Variants in INA observed in about 807,000 individuals in gnomAD.
INA encodes the protein alpha-internexin.
A neutral mutation model predicts 40.1 loss-of-function variants in INA; 35 were observed. That is an observed-to-expected ratio of 0.87 (90% confidence interval 0.67 to 1.16). The LOEUF (loss-of-function observed/expected upper bound fraction) is 1.16, where lower values mean the gene tolerates loss of function less well. Ranked by LOEUF, INA falls within the 50% of genes most tolerant of loss-of-function variation. The pLI, the probability that INA is intolerant of heterozygous loss-of-function variation, is 0.00. For synonymous variants in INA, 290 were observed against 316.9 expected (o/e 0.92, Z 0.90); for missense variants, 594 against 686.7 (o/e 0.87, Z 1.51).
Position 103,277,410 on chromosome 10 carries a change from C to G in INA, c.199C>G (p.Arg67Gly). 2.6e-6 allele frequency: 4 copies of G among 1,557,642 alleles called. No individual in the cohort carries two copies. Among genetic ancestry groups the G allele is most frequent in the Non-Finnish European group, 2.6e-6 (3 of 1,158,334 alleles). Residue 67 changes from arginine (R) to glycine (G), a missense_variant, in exon 1 of 3, where the codon CGC becomes GGC. Physicochemically the swap from Arg to Gly is moderately radical, Grantham distance 125 (BLOSUM62 -2). This residue lies in a region of INA where 215 missense variants were observed against 190.6 expected (regional missense o/e 1.13). Transcript: ENST00000369849. This position sits in a 1 kb window ranked among gnomAD's most constrained non-coding sequence, Gnocchi z 5.6. ...GTCGCTCGGCCTCGGCCTGGCCTAT[C>G]GCCGGCCGCCGGCGTCCGACGGGCT... Reference protein sequence around the residue: ...ASSLGLGLAYRRPPASDGLDL... With the variant: ...ASSLGLGLAYGRPPASDGLDL...
rs2093062789 is a variant in INA at position 103,277,667 on chromosome 10, G to A, written c.456G>A (p.Ala152=). ...LFQRELRDLR[A]QLEEASSARS... is the part of the protein sequence containing the mutation. ...AGCGCGAGCTGCGCGACCTGCGCGCGCAGCTGGAGGAGGCCAGCTCGGCTC... is the reference window on the plus strand; with the variant it reads ...AGCGCGAGCTGCGCGACCTGCGCGCACAGCTGGAGGAGGCCAGCTCGGCTC... The change falls in exon 1 of 3, where the codon GCG becomes GCA. Residue 152 remains alanine (A), a synonymous_variant. Transcript: ENST00000369849. The surrounding 1 kb of genome is among the most constrained non-coding windows in gnomAD (Gnocchi z 5.6). The A allele has an allele frequency of 2.9e-6, 4 of 1,380,364 alleles. No homozygotes were observed. Among genetic ancestry groups the A allele is most frequent in the Non-Finnish European group, 1.9e-6 (2 of 1,075,424 alleles). 85.5% of individuals were successfully genotyped at this position (1,380,364 alleles called of 1,614,324 possible).
chr10:103,288,910 A>G lies in INA; in HGVS notation c.*241A>G. 6.1e-6 allele frequency: 2 copies of G among 327,510 alleles called. No individual in the cohort carries two copies. The highest frequency in any genetic ancestry group is 1.1e-5 in the Non-Finnish European group (2 of 179,944). 20.3% of individuals were successfully genotyped at this position (327,510 alleles called of 1,614,324 possible). A position where few individuals can be genotyped will look rare whatever the true frequency, so the allele number is the denominator to read the frequency against. On this transcript the variant is annotated 3_prime_UTR_variant, in exon 3 of 3. Coordinates refer to ENST00000369849, the MANE Select transcript of INA (RefSeq NM_032727.4). ...CTAAGAATACAGCTTTCTGACCTTC[A>G]GCTCACGCTTCACAGTGATCGATGA...
In INA at chr10:103,277,529, C is replaced by T. The variant is rs1261389202; in HGVS notation, c.318C>T (p.Ala106=). ...EQLQGLNDRF[A]VFIEKVHQLE... ...TGCAGGGCCTCAACGACCGCTTCGC[C>T]GTGTTCATCGAGAAGGTGCATCAGC... Residue 106 remains alanine, a synonymous_variant, in exon 1 of 3, where the codon GCC becomes GCT. Transcript: ENST00000369849. This position sits in a 1 kb window ranked among gnomAD's most constrained non-coding sequence, Gnocchi z 5.6. 4.4e-6 allele frequency: 7 copies of T among 1,586,434 alleles called. No individual in the cohort carries two copies. The highest frequency in any genetic ancestry group is 3.4e-6 in the Non-Finnish European group (4 of 1,170,264).
chr10:103,288,002 G>T (rs139058402), intron 2 of INA, among the ~76,000 whole-genome samples: 1 of 152,252 alleles, frequency 6.6e-6, no homozygotes, highest in African/African-American at 2.4e-5. Flanking sequence ...TGCAGCTAAG[G>T]TGTTACTTAG....
intron 1 of INA, among the ~76,000 whole-genome samples, chr10:103,286,774 T>C (rs563091272): frequency 6.6e-6 from 1 of 152,176 alleles, no homozygotes; most frequent in African/African-American, 2.4e-5. Context: ...GGTGTTCACT[T>C]GCCCTCTGGG....
Position 103,282,548 on chromosome 10 carries a change from G to A in INA, c.1065+4272G>A, listed in dbSNP as rs536282067. The stretch of plus-strand genomic sequence containing the variant: ...GAGCATCAACACTAATCCAAACACC[G>A]CACTTTGGGGCCATTTAGGGTAGAA... On this transcript the variant is annotated intron_variant, in intron 1 of 2. Transcript: ENST00000369849. 7.9e-5 allele frequency among the ~76,000 whole-genome samples: 12 copies of A among 152,164 alleles called. No homozygotes were observed. In the South Asian group the frequency reaches 2.5e-3, roughly 32 times the overall value.
In INA at chr10:103,277,344, C is replaced by T. The variant is rs756450190; in HGVS notation, c.133C>T (p.Arg45Cys). Residue 45 changes from arginine (R) to cysteine (C), a missense_variant, in exon 1 of 3, where the codon CGC becomes TGC. Physicochemically the swap from Arg to Cys is radical, Grantham distance 180. This residue lies in a region of INA where 215 missense variants were observed against 190.6 expected (regional missense o/e 1.13). Transcript: ENST00000369849. This position sits in a 1 kb window ranked among gnomAD's most constrained non-coding sequence, Gnocchi z 5.6. ...AGGFRSQSLS[R>C]SNVASSAACS... ...CGGCTTCCGCTCGCAGTCGCTGTCC[C>T]GCAGCAATGTGGCCTCCTCGGCCGC... 2 of 1,581,324 alleles carry T rather than the reference C, an allele frequency of 1.3e-6. No homozygotes were observed. The highest frequency in any genetic ancestry group is 3.5e-5 in the Admixed American group (2 of 57,684).
rs1416448678 is a variant in INA at position 103,278,081 on chromosome 10, G to A, written c.870G>A (p.Lys290=). The A allele has an allele frequency of 3.7e-6, 6 of 1,613,700 alleles. No individual in the cohort carries two copies. The highest frequency in any genetic ancestry group is 5.1e-6 in the Non-Finnish European group (6 of 1,179,938). ...CCGCGGAAGAATGGTACAAGTCCAA[G>A]TTTGCCAACCTGAACGAGCAGGCGG... ...LQSAEEWYKS[K]FANLNEQAAR... Residue 290 remains lysine, a synonymous_variant, in exon 1 of 3, where the codon AAG becomes AAA. Transcript: ENST00000369849. The surrounding 1 kb of genome is among the most constrained non-coding windows in gnomAD (Gnocchi z 4.9).
At chr10:103,283,842 C>T (rs558854160) in intron 1 of INA, among the ~76,000 whole-genome samples, 2 of 151,530 alleles carry the variant, frequency 1.3e-5, no homozygotes, top group East Asian at 3.9e-4. Context: ...CCTCTGCCTC[C>T]CAGGTTCAAG....
At chr10:103,283,748 C>CTT (rs34755376) in intron 1 of INA, among the ~76,000 whole-genome samples, 1,807 of 114,876 alleles carry the variant, frequency 0.016, 63 homozygotes, top group African/African-American at 0.039. Context: ...ATCACTGTTT[C>CTT]TTTTTTTTTT....
intron 1 of INA, among the ~76,000 whole-genome samples, chr10:103,286,401 A>G (rs549241709): frequency 1.4e-3 from 216 of 151,700 alleles, no homozygotes; most frequent in Non-Finnish European, 2.5e-3. Context: ...ATATATAAAT[A>G]TAAAGCGATT....
chr10:103,285,673 A>G (rs143712093), intron 1 of INA, among the ~76,000 whole-genome samples: 2,765 of 137,194 alleles, frequency 0.02, 58 homozygotes, highest in South Asian at 0.08. Context: ...GCTGGAATGC[A>G]GTGGCGCGAT....
chr10:103,284,001 T>A (rs1450760046), intron 1 of INA, among the ~76,000 whole-genome samples: 1 of 151,138 alleles, frequency 6.6e-6, no homozygotes, highest in Non-Finnish European at 1.5e-5. Flanking sequence ...ACTCCTGACC[T>A]CAGGTGATCC....
chr10:103,280,608 C>T (rs1372994826), intron 1 of INA: 1 of 985,306 alleles, frequency 1.0e-6, no homozygotes, highest in Non-Finnish European at 1.2e-6. Context: ...CCATTAAAGT[C>T]CCATCTTCTC....
chr10:103,277,158 CCTTT>C lies in INA; in HGVS notation c.-50_-47del, dbSNP rs2093060396. 1.3e-6 allele frequency: 2 copies of C among 1,514,170 alleles called. No individual in the cohort carries two copies. Among genetic ancestry groups the C allele is most frequent in the African/African-American group, 1.5e-5 (1 of 68,836 alleles). 93.8% of individuals were successfully genotyped at this position (1,514,170 alleles called of 1,614,324 possible). A position where few individuals can be genotyped will look rare whatever the true frequency, so the allele number is the denominator to read the frequency against. On this transcript the variant is annotated 5_prime_UTR_variant, in exon 1 of 3. Coordinates refer to ENST00000369849, the MANE Select transcript of INA (RefSeq NM_032727.4). This position sits in a 1 kb window ranked among gnomAD's most constrained non-coding sequence, Gnocchi z 5.6. The stretch of plus-strand genomic sequence containing the variant: ...GCCGCGCCCTGCCTGCCGCACCTCT[CCTTT>C]CTTCTGTAGCTCGCGTTGAAGCCGC...
chr10:103,285,815 G>A (rs927992986), intron 1 of INA, among the ~76,000 whole-genome samples: 1 of 151,226 alleles, frequency 6.6e-6, no homozygotes, highest in African/African-American at 2.4e-5. Flanking sequence ...ACGGAGTTTT[G>A]CCATGTTAGC....
intron 1 of INA, chr10:103,280,381 G>A (rs2093070077): frequency 1.0e-6 from 1 of 985,294 alleles, no homozygotes; most frequent in African/African-American, 1.7e-5. Context: ...TGCCACAAGG[G>A]TGTCTCTGAC....
chr10:103,284,298 A>G (rs2093080001), intron 1 of INA, among the ~76,000 whole-genome samples: 1 of 152,144 alleles, frequency 6.6e-6, no homozygotes, highest in African/African-American at 2.4e-5. Context: ...TGTTATCGCA[A>G]CTGGGAGAGG....
chr10:103,286,558 GAAAGCTCTC>G (rs2093086556), intron 1 of INA, among the ~76,000 whole-genome samples: 1 of 151,998 alleles, frequency 6.6e-6, no homozygotes, highest in African/African-American at 2.4e-5. Flanking sequence ...GGTCTTCCTG[GAAAGCTCTC>G]TGTGCTTTCC....
Sources: gnomAD v4.1 joint callset for allele counts (sites outside exome capture counted in the v4.1 genomes callset) on GRCh38, gnomAD v4.1.1 for gene constraint, gnomAD v4.1.1 regional missense constraint, Gnocchi (gnomAD v3.1) non-coding constraint, MANE v1.5 for transcripts, NCBI Gene and HGNC (gene_info 2026-07-23, HGNC 2026-07-21) for gene names.